The following RUNX1 variants were observed in gnomAD, a reference collection of about 807,000 sequenced individuals.
RUNX1 encodes the protein runt-related transcription factor 1.
RUNX1 carries 19 observed loss-of-function variants against 42.8 expected under a neutral mutation model. The observed-to-expected ratio is 0.44, with a 90% CI of 0.31 to 0.65. RUNX1 has a LOEUF of 0.65. Ranked by LOEUF, RUNX1 falls within the 30% of genes least tolerant of loss-of-function variation. The pLI, the probability that RUNX1 is intolerant of heterozygous loss-of-function variation, is 0.07. For missense variants in RUNX1, 528 were observed against 672.0 expected (o/e 0.79, Z 2.37); for synonymous variants, 271 against 289.4 (o/e 0.94, Z 0.64).
At chr21:34,854,175 C>A (rs2057464673) in intron 6 of RUNX1, among the ~76,000 whole-genome samples, 1 of 152,148 alleles carries the variant, frequency 6.6e-6, no homozygotes, top group African/African-American at 2.4e-5. Flanking sequence ...ATATAAAGAT[C>A]CTATTTCTCA....
chr21:34,990,369 G>C (rs2058927326), intron 2 of RUNX1, among the ~76,000 whole-genome samples: 1 of 152,210 alleles, frequency 6.6e-6, no homozygotes, highest in African/African-American at 2.4e-5. Context: ...CCAGGGAAGA[G>C]CAGGAACCCC....
At chr21:34,900,993 T>C (rs2058172997) in intron 2 of RUNX1, among the ~76,000 whole-genome samples, 1 of 152,334 alleles carries the variant, frequency 6.6e-6, no homozygotes, top group South Asian at 2.1e-4. Flanking sequence ...ATGTTTCAGT[T>C]TGCTGGCAAT....
At chr21:34,964,087 T>C (rs2058700837) in intron 2 of RUNX1, among the ~76,000 whole-genome samples, 1 of 152,022 alleles carries the variant, frequency 6.6e-6, no homozygotes, top group Non-Finnish European at 1.5e-5. Flanking sequence ...TCTAGCCCAG[T>C]TGGGGGATAC....
chr21:34,964,915 T>A (rs1307222619), intron 2 of RUNX1, among the ~76,000 whole-genome samples: 1 of 152,100 alleles, frequency 6.6e-6, no homozygotes, highest in African/African-American at 2.4e-5. Flanking sequence ...CTCACACGCA[T>A]GCACACTTAT....
At chr21:34,906,052 T>C (rs535898503) in intron 2 of RUNX1, among the ~76,000 whole-genome samples, 42 of 152,390 alleles carry the variant, frequency 2.8e-4, no homozygotes, top group African/African-American at 8.9e-4. Context: ...TCAGTATTTC[T>C]GAAAATAACC....
intron 2 of RUNX1, among the ~76,000 whole-genome samples, chr21:34,949,421 T>A (rs560727226): frequency 6.6e-6 from 1 of 152,380 alleles, no homozygotes; most frequent in African/African-American, 2.4e-5. Context: ...TTGTCATTTT[T>A]AAAAATACAA....
intron 2 of RUNX1, among the ~76,000 whole-genome samples, chr21:34,956,470 G>C (rs1028685098): frequency 6.6e-6 from 1 of 152,070 alleles, no homozygotes; most frequent in Admixed American, 6.6e-5. Context: ...TTGGGTCTTC[G>C]AAAGGCCACT....
At chr21:34,920,951 C>T (rs1457891308) in intron 2 of RUNX1, among the ~76,000 whole-genome samples, 8 of 152,092 alleles carry the variant, frequency 5.3e-5, no homozygotes, top group East Asian at 3.9e-4. Flanking sequence ...TTGTGCCTTC[C>T]GGGTTCAAGC....
rs568053330 is a variant in RUNX1 at position 34,890,228 on chromosome 21, C to T, written c.97+2697G>A. Among the ~76,000 whole-genome samples, 6 of 151,988 alleles carry T rather than the reference C, an allele frequency of 3.9e-5. No homozygotes were observed. In the East Asian group the frequency reaches 9.8e-4, roughly 25 times the overall value. ...ACGCCAGGGGGCAGCAGCCGCCCTC[C>T]CTGGACGCCGCGCGCAGTCCCCGGA... On this transcript the variant is annotated intron_variant, in intron 3 of 8. Transcript: ENST00000675419.
intron 2 of RUNX1, among the ~76,000 whole-genome samples, chr21:35,017,732 C>T (rs2059169762): frequency 6.6e-6 from 1 of 152,190 alleles, no homozygotes; most frequent in African/African-American, 2.4e-5. Context: ...CATCTTTCTT[C>T]TCATAGTTCT....
intron 7 of RUNX1, among the ~76,000 whole-genome samples, chr21:34,827,061 G>A (rs2056998400): frequency 6.6e-6 from 1 of 152,242 alleles, no homozygotes; most frequent in African/African-American, 2.4e-5. Context: ...TATGTGACCA[G>A]AGTGCTGGTA....
intron 6 of RUNX1, among the ~76,000 whole-genome samples, chr21:34,844,979 T>G (rs1458619609): frequency 6.6e-6 from 1 of 152,208 alleles, no homozygotes; most frequent in Non-Finnish European, 1.5e-5. Context: ...TGACCCTCCC[T>G]CACAAATAAG....
intron 2 of RUNX1, among the ~76,000 whole-genome samples, chr21:34,971,871 G>A (rs1188683495): frequency 6.6e-6 from 1 of 152,114 alleles, no homozygotes; most frequent in East Asian, 1.9e-4. Context: ...GCCTAATAAA[G>A]GATTTCTGTG....
chr21:34,872,733 G>C (rs2057757840), intron 5 of RUNX1, among the ~76,000 whole-genome samples: 5 of 152,182 alleles, frequency 3.3e-5, no homozygotes, highest in Admixed American at 2.6e-4. Flanking sequence ...CTGACATTTG[G>C]GTCTTTGTTG....
chr21:34,879,076 G>A (rs946687371), intron 5 of RUNX1, among the ~76,000 whole-genome samples: 1 of 152,216 alleles, frequency 6.6e-6, no homozygotes, highest in Non-Finnish European at 1.5e-5. Context: ...GGACCAGGCT[G>A]TGGGGCCTTT....
At chr21:35,029,061 T>C (rs1390889406) in intron 2 of RUNX1, among the ~76,000 whole-genome samples, 3 of 152,170 alleles carry the variant, frequency 2.0e-5, no homozygotes, top group African/African-American at 4.8e-5. Context: ...CGATGGATGC[T>C]TGCCCTTCAC....
intron 2 of RUNX1, among the ~76,000 whole-genome samples, chr21:34,954,612 T>A (rs770103993): frequency 2.0e-5 from 3 of 152,178 alleles, no homozygotes; most frequent in Non-Finnish European, 2.9e-5. Flanking sequence ...GTTAATGGGA[T>A]GTAAGTGGGA....
rs536823785 is a variant in RUNX1, at chr21:34,930,394, A to C, written c.59-37431T>G. Among the ~76,000 whole-genome samples, 22 of 151,160 alleles carry C rather than the reference A, an allele frequency of 1.5e-4. No homozygotes were observed. In the East Asian group the frequency reaches 4.3e-3, roughly 29 times the overall value. ...GACATGACTAGAGGAGGGATGGCCA[A>C]ATAAGGTTTATCTGGGGTCCCAACT... On this transcript the variant is annotated intron_variant, in intron 2 of 8. Coordinates refer to ENST00000675419, the MANE Select transcript of RUNX1 (RefSeq NM_001754.5).
chr21:34,999,169 C>T (rs1414489126), intron 2 of RUNX1, among the ~76,000 whole-genome samples: 3 of 152,176 alleles, frequency 2.0e-5, no homozygotes, highest in Non-Finnish European at 2.9e-5. Context: ...GACCCAGAGC[C>T]GGAGCTTGGA....
Sources: allele counts gnomAD v4.1 joint callset (sites outside exome capture counted in the v4.1 genomes callset), GRCh38; gene constraint gnomAD v4.1.1; transcripts MANE v1.5; gene names NCBI Gene and HGNC (gene_info 2026-07-23, HGNC 2026-07-21).